The following COBL variants were observed in gnomAD, a reference collection of about 807,000 sequenced individuals.
COBL encodes protein cordon-bleu.
In COBL, 51 loss-of-function variants were observed where a neutral mutation model predicts 98.8. The observed-to-expected ratio is 0.52, with a 90% CI of 0.41 to 0.65. The LOEUF is 0.65. Among genes scored for constraint, COBL ranks in the 30% least tolerant of loss-of-function variants. COBL has a pLI of 0.00. For missense variants in COBL, 1,617 were observed against 1,617.5 expected (o/e 1.00, Z 0.01); for synonymous variants, 634 against 651.7 (o/e 0.97, Z 0.41).
At chr7:51,066,445 G>A (rs1174339805) in intron 7 of COBL, among the ~76,000 whole-genome samples, 1 of 152,226 alleles carries the variant, frequency 6.6e-6, no homozygotes, top group Non-Finnish European at 1.5e-5. Context: ...AGAGTAGGGA[G>A]GAGGGATATG....
At chr7:51,206,564 C>A (rs80346042) in intron 2 of COBL, among the ~76,000 whole-genome samples, 5 of 151,760 alleles carry the variant, frequency 3.3e-5, no homozygotes, top group Admixed American at 1.3e-4. Context: ...TCTATTGCAG[C>A]GCTATTCGCA....
intron 6 of COBL, among the ~76,000 whole-genome samples, chr7:51,090,292 A>G (rs1191475024): frequency 2.0e-5 from 3 of 152,212 alleles, no homozygotes; most frequent in Admixed American, 1.3e-4. Flanking sequence ...AGAACTCCAG[A>G]AACCAGTTAA....
intron 5 of COBL, among the ~76,000 whole-genome samples, chr7:51,149,472 G>A (rs745441495): frequency 2.7e-4 from 41 of 152,128 alleles, no homozygotes; most frequent in Non-Finnish European, 1.5e-4. Flanking sequence ...TTTTAAACTG[G>A]CTGGTACACT....
intron 5 of COBL, among the ~76,000 whole-genome samples, chr7:51,168,517 T>C (rs946684349): frequency 3.9e-5 from 6 of 151,946 alleles, no homozygotes; most frequent in Non-Finnish European, 5.9e-5. Flanking sequence ...TATGAAAAGA[T>C]GGTCAACATC....
chr7:51,269,439 C>G (rs963473836), intron 1 of COBL, among the ~76,000 whole-genome samples: 2 of 152,148 alleles, frequency 1.3e-5, no homozygotes, highest in African/African-American at 4.8e-5. Flanking sequence ...GGCACAGGGT[C>G]CAGACGCAAC....
chr7:51,047,981 A>G (rs1346370521), intron 7 of COBL, among the ~76,000 whole-genome samples: 1 of 152,178 alleles, frequency 6.6e-6, no homozygotes, highest in Non-Finnish European at 1.5e-5. Flanking sequence ...AGCGTGGCCA[A>G]CATGGCAAAA....
intron 5 of COBL, among the ~76,000 whole-genome samples, chr7:51,141,861 T>A (rs969751372): frequency 6.6e-6 from 1 of 152,086 alleles, no homozygotes; most frequent in African/African-American, 2.4e-5. Context: ...GAATGCTGCT[T>A]CTCATCTGTG....
intron 1 of COBL, among the ~76,000 whole-genome samples, chr7:51,279,975 A>G (rs75415878): frequency 0.015 from 2,209 of 152,170 alleles, 47 homozygotes; most frequent in African/African-American, 0.05. Context: ...ATAATATTCC[A>G]TTGCCTGAAT....
chr7:51,259,664 T>C (rs1443624345), intron 1 of COBL: 19 of 735,326 alleles, frequency 2.6e-5, no homozygotes, highest in Middle Eastern at 3.8e-4. Context: ...CACTGTGTTG[T>C]CTGTCTGAGG....
intron 5 of COBL, among the ~76,000 whole-genome samples, chr7:51,174,669 C>CA (rs1459621149): frequency 6.6e-6 from 1 of 152,158 alleles, no homozygotes; most frequent in Non-Finnish European, 1.5e-5. Flanking sequence ...TATAGCCCAA[C>CA]AAGGGATAGC....
At chr7:51,042,405 G>A (rs1362295820) in intron 8 of COBL, among the ~76,000 whole-genome samples, 1 of 152,206 alleles carries the variant, frequency 6.6e-6, no homozygotes, top group East Asian at 1.9e-4. Context: ...TATTGCCCAG[G>A]ATGGAGTATA....
chr7:51,083,219 C>T lies in COBL; in HGVS notation c.1096+1947G>A, dbSNP rs988434014. On this transcript the variant is annotated intron_variant, in intron 7 of 12. Coordinates refer to ENST00000265136, the MANE Select transcript of COBL (RefSeq NM_015198.5). The stretch of plus-strand genomic sequence containing the variant: ...TCTGGGAGGCTTTTGTGGCACCTGC[C>T]GTCCACCACCTATATGGAATCAACA... 10 of 1,458,170 alleles carry T rather than the reference C, an allele frequency of 6.9e-6. No individual in the cohort carries two copies. In the African/African-American group the frequency reaches 8.6e-5, roughly 12 times the overall value. The allele number at this position is 1,458,170 out of a possible 1,614,324, so 90.3% of individuals were successfully genotyped here.
intron 2 of COBL, among the ~76,000 whole-genome samples, chr7:51,216,672 T>TAA (rs1013969001): frequency 2.7e-5 from 4 of 146,152 alleles, no homozygotes; most frequent in East Asian, 4.0e-4. Flanking sequence ...CAAGGGAAGC[T>TAA]AAAAAAAAAA....
intron 5 of COBL, among the ~76,000 whole-genome samples, chr7:51,178,893 C>T (rs801131): frequency 0.82 from 124,071 of 152,192 alleles, 51,150 homozygotes; most frequent in African/African-American, 0.94. Context: ...ACAGGCATGA[C>T]CTACTGTGCC....
Position 51,029,513 on chromosome 7 carries a change from T to A in COBL, c.1583A>T (p.Asp528Val), listed in dbSNP as rs1787949166. 1.2e-6 allele frequency: 2 copies of A among 1,614,108 alleles called. No homozygotes were observed. The highest frequency in any genetic ancestry group is 1.7e-6 in the Non-Finnish European group (2 of 1,179,962). ...IHGASNHCPQDAMIPHGDTDA... is the reference protein window; with the variant it reads ...IHGASNHCPQVAMIPHGDTDA... ...TGTGTCGCCGTGAGGGATCATGGCA[T>A]CCTGTGGGCAGTGGTTGGATGCACC... The change falls in exon 10 of 13, where the codon GAT becomes GTT. Residue 528 changes from aspartate to valine, a missense_variant. Coordinates refer to ENST00000265136, the MANE Select transcript of COBL (RefSeq NM_015198.5).
intron 7 of COBL, among the ~76,000 whole-genome samples, chr7:51,076,070 T>C (rs1159389731): frequency 1.3e-5 from 2 of 152,212 alleles, no homozygotes; most frequent in African/African-American, 4.8e-5. Flanking sequence ...CTGGCTCTCC[T>C]GCCAGGGAAG....
At chr7:51,198,833 T>C (rs933547788) in intron 2 of COBL, among the ~76,000 whole-genome samples, 8 of 152,216 alleles carry the variant, frequency 5.3e-5, no homozygotes, top group African/African-American at 1.9e-4. Context: ...CAGCCTGCCA[T>C]GCACAGAAGT....
At chr7:51,184,033 G>T in intron 5 of COBL, 69 bp downstream of exon 5, 1 of 739,660 alleles carries the variant, frequency 1.4e-6, no homozygotes, top group Non-Finnish European at 2.2e-6. Context: ...AGGACAGGTT[G>T]AATGCATGTA....
intron 1 of COBL, among the ~76,000 whole-genome samples, chr7:51,243,722 A>G (rs530619880): frequency 7.9e-5 from 12 of 152,282 alleles, no homozygotes; most frequent in Admixed American, 5.9e-4. Flanking sequence ...TGGAAAACAG[A>G]CTAGTGATTG....
Sources: allele counts gnomAD v4.1 joint callset (sites outside exome capture counted in the v4.1 genomes callset), GRCh38; gene constraint gnomAD v4.1.1; transcripts MANE v1.5; gene names NCBI Gene and HGNC (gene_info 2026-07-23, HGNC 2026-07-21).